FERMT2: variants seen among roughly 807,000 people sequenced by gnomAD.
FERMT2 encodes the protein fermitin family homolog 2.
A neutral mutation model predicts 82.7 loss-of-function variants in FERMT2; 15 were observed. The ratio of observed to expected loss-of-function variants is 0.18; its 90% CI spans 0.12 to 0.28. The LOEUF is 0.28. FERMT2 is among the 10% of genes least tolerant of loss of function. The pLI is 1.00. For synonymous variants in FERMT2, 274 were observed against 271.5 expected (o/e 1.01, Z -0.09); for missense variants, 645 against 809.4 (o/e 0.80, Z 2.46).
chr14:52,890,430 G>T lies in FERMT2; in HGVS notation c.526+2863C>A, dbSNP rs1286658900. 8.0e-4 allele frequency among the ~76,000 whole-genome samples: 113 copies of T among 141,678 alleles called. 5 individuals are homozygous for T. The highest frequency in any genetic ancestry group is 7.2e-5 in the Admixed American group (1 of 13,832). 92.9% of individuals were successfully genotyped at this position (141,678 alleles called of 152,430 possible). A position where few individuals can be genotyped will look rare whatever the true frequency, so the allele number is the denominator to read the frequency against. ...ACTGCACTCCGGCCTGGGCGACAGA[G>T]TGACACTCCGTCTGAAAAAAAAAAA... On this transcript the variant is annotated intron_variant, in intron 4 of 14. Transcript: ENST00000341590.
chr14:52,873,632 T>C (rs1885765141), intron 9 of FERMT2: 1 of 152,408 alleles, frequency 6.6e-6, no homozygotes, highest in Admixed American at 6.5e-5. Flanking sequence ...TTGTATCTTA[T>C]ATAGTAGAAA....
At chr14:52,910,101 T>C (rs1311944372) in intron 3 of FERMT2, among the ~76,000 whole-genome samples, 2 of 152,212 alleles carry the variant, frequency 1.3e-5, no homozygotes, top group Non-Finnish European at 1.5e-5. Flanking sequence ...CCAATCTTTA[T>C]TGTTACCACT....
At chr14:52,945,786 T>C (rs1890322532) in intron 2 of FERMT2, among the ~76,000 whole-genome samples, 1 of 152,178 alleles carries the variant, frequency 6.6e-6, no homozygotes, top group Non-Finnish European at 1.5e-5. Flanking sequence ...TTATAATAAA[T>C]TCCTTATTCT....
At chr14:52,933,093 G>C (rs1346375536) in intron 2 of FERMT2, among the ~76,000 whole-genome samples, 4 of 151,622 alleles carry the variant, frequency 2.6e-5, no homozygotes, top group African/African-American at 9.7e-5. Context: ...ACCCCATCCA[G>C]CAAAGTAAGG....
chr14:52,906,514 C>T lies in FERMT2; in HGVS notation c.391+12609G>A, dbSNP rs114671469. Among the ~76,000 whole-genome samples, 203 of 140,214 alleles carry T rather than the reference C, an allele frequency of 1.4e-3. 1 individual carries two copies. Among genetic ancestry groups the T allele is most frequent in the African/African-American group, 5.4e-3 (199 of 36,904 alleles). 92.0% of individuals were successfully genotyped at this position (140,214 alleles called of 152,430 possible). On this transcript the variant is annotated intron_variant, in intron 3 of 14. Transcript: ENST00000341590. ...ATACAAAAAAATCCAGCCACTATGA[C>T]GCATAATGACACATAGTCAGGAGTA...
intron 3 of FERMT2, among the ~76,000 whole-genome samples, chr14:52,905,525 A>C (rs1490874696): frequency 6.6e-6 from 1 of 152,220 alleles, no homozygotes; most frequent in Non-Finnish European, 1.5e-5. Flanking sequence ...TGGAGCAGGA[A>C]GAGGTGGTGG....
chr14:52,904,255 G>C (rs900337597), intron 3 of FERMT2, among the ~76,000 whole-genome samples: 1 of 152,146 alleles, frequency 6.6e-6, no homozygotes, highest in African/African-American at 2.4e-5. Context: ...AGTGGCTCAC[G>C]CCTGTAATCT....
chr14:52,881,689 G>A, intron 4 of FERMT2: 4 of 1,058,418 alleles, frequency 3.8e-6, no homozygotes, highest in South Asian at 1.5e-5. Flanking sequence ...AATTAAGTTG[G>A]CAGAAATTCT....
intron 2 of FERMT2, among the ~76,000 whole-genome samples, chr14:52,926,011 G>A (rs1889248273): frequency 6.6e-6 from 1 of 152,094 alleles, no homozygotes; most frequent in Non-Finnish European, 1.5e-5. Flanking sequence ...CTCTAAAGTG[G>A]CAAGTTAAAT....
intron 4 of FERMT2, among the ~76,000 whole-genome samples, chr14:52,885,312 C>CACAAAA (rs1368863667): frequency 3.3e-5 from 2 of 61,064 alleles, no homozygotes; most frequent in African/African-American, 6.6e-5. Flanking sequence ...GACTTAGTCT[C>CACAAAA]AAAAAAAAAA....
At chr14:52,865,284 G>A (rs1885203614) in intron 10 of FERMT2, among the ~76,000 whole-genome samples, 1 of 152,174 alleles carries the variant, frequency 6.6e-6, no homozygotes. Context: ...TCGCACCGTT[G>A]CACTCCAGCC....
At chr14:52,892,259 A>G (rs1386446024) in intron 4 of FERMT2, among the ~76,000 whole-genome samples, 2 of 144,932 alleles carry the variant, frequency 1.4e-5, no homozygotes, top group African/African-American at 2.6e-5. Flanking sequence ...CTCCTGCCTC[A>G]GCCTCCCAAG....
chr14:52,897,889 T>A (rs549861682), intron 3 of FERMT2, among the ~76,000 whole-genome samples: 1 of 146,858 alleles, frequency 6.8e-6, no homozygotes, highest in African/African-American at 2.5e-5. Flanking sequence ...GGCAGGGGAA[T>A]CGCTTGAACC....
intron 2 of FERMT2, among the ~76,000 whole-genome samples, chr14:52,920,598 A>T (rs1006238423): frequency 6.6e-6 from 1 of 152,146 alleles, no homozygotes; most frequent in Non-Finnish European, 1.5e-5. Flanking sequence ...GTGAAACTAC[A>T]TTCCAGCCTG....
chr14:52,861,289 T>C (rs1461497097), intron 12 of FERMT2: 1 of 454,588 alleles, frequency 2.2e-6, no homozygotes, highest in African/African-American at 2.1e-5. Flanking sequence ...GAATGTTAAA[T>C]GTTGCTAAAG....
At chr14:52,906,045 G>A (rs1322905534) in intron 3 of FERMT2, among the ~76,000 whole-genome samples, 4 of 152,200 alleles carry the variant, frequency 2.6e-5, no homozygotes, top group Admixed American at 1.3e-4. Context: ...CAAGATGCAC[G>A]AAATAAAGAC....
chr14:52,884,636 G>A (rs964272045), intron 4 of FERMT2, among the ~76,000 whole-genome samples: 2 of 152,006 alleles, frequency 1.3e-5, no homozygotes, highest in Non-Finnish European at 2.9e-5. Context: ...AGCCAGTCTG[G>A]CTGTAGGGCT....
intron 2 of FERMT2, among the ~76,000 whole-genome samples, chr14:52,922,235 T>A (rs1359063509): frequency 6.6e-6 from 1 of 152,156 alleles, no homozygotes; most frequent in Non-Finnish European, 1.5e-5. Flanking sequence ...AGATGAGGTA[T>A]CTCTCCACTT....
At position 52,950,698 on chromosome 14, in the gene FERMT2, G is replaced by GA. The variant is rs987714547; in HGVS notation, c.-9-122dup. ...GGTGGAGGACCCGGGGCTTTCGGCAGAAACTCGGGAGGGCGGCGGCGGCCG... is the reference window on the plus strand; with the variant it reads ...GGTGGAGGACCCGGGGCTTTCGGCAGAAAACTCGGGAGGGCGGCGGCGGCCG... On this transcript the variant is annotated intron_variant, in intron 1 of 14. Coordinates refer to ENST00000341590, the MANE Select transcript of FERMT2 (RefSeq NM_006832.3). 8 of 982,122 alleles carry GA rather than the reference G, an allele frequency of 8.1e-6. No individual in the cohort carries two copies. The African/African-American group carries it at 1.2e-4, about 14-fold the overall frequency. 60.8% of individuals were successfully genotyped at this position (982,122 alleles called of 1,614,324 possible).
Sources: allele counts gnomAD v4.1 joint callset (sites outside exome capture counted in the v4.1 genomes callset), GRCh38; gene constraint gnomAD v4.1.1; transcripts MANE v1.5; gene names NCBI Gene and HGNC (gene_info 2026-07-23, HGNC 2026-07-21).